The following EYS variants were observed in gnomAD, a reference collection of about 807,000 sequenced individuals.
The protein encoded by EYS is protein eyes shut homolog.
A neutral mutation model predicts 282.1 loss-of-function variants in EYS; 250 were observed. The ratio of observed to expected loss-of-function variants is 0.89; its 90% confidence interval spans 0.80 to 0.98. The LOEUF is 0.98. Among genes scored for constraint, EYS ranks in the 50% least tolerant of loss-of-function variants. The probability of loss-of-function intolerance (pLI) is 0.00; values close to 1 mark genes in which losing one functional copy is unlikely to be tolerated. For synonymous variants in EYS, 1,355 were observed against 1,282.9 expected (o/e 1.06, Z -1.20); for missense variants, 4,016 against 3,709.0 (o/e 1.08, Z -2.15).
chr6:65,565,244 CAAA>C (rs765596305), intron 2 of EYS, among the ~76,000 whole-genome samples: 1 of 1,618 alleles, frequency 6.2e-4, no homozygotes, highest in Non-Finnish European at 7.8e-4. Flanking sequence ...GACTCCGTCT[CAAA>C]AAAAAAAAAA....
At chr6:64,718,956 C>G (rs999251024) in intron 22 of EYS, among the ~76,000 whole-genome samples, 2 of 152,102 alleles carry the variant, frequency 1.3e-5, no homozygotes, top group Non-Finnish European at 2.9e-5. Flanking sequence ...TAAAGAGTAT[C>G]CTGGATGACC....
At chr6:63,920,545 G>C (rs1419792013) in intron 35 of EYS, among the ~76,000 whole-genome samples, 3 of 152,096 alleles carry the variant, frequency 2.0e-5, no homozygotes, top group African/African-American at 7.2e-5. Context: ...TCTCCTTCCT[G>C]ATGATCTCCA....
chr6:65,680,810 G>T (rs2149838225), intron 1 of EYS, among the ~76,000 whole-genome samples: 2 of 152,018 alleles, frequency 1.3e-5, no homozygotes, highest in South Asian at 2.1e-4. Context: ...CACCAGCTGG[G>T]CTAACTCAAT....
chr6:65,480,146 A>T (rs2127253982), intron 5 of EYS, among the ~76,000 whole-genome samples: 1 of 152,260 alleles, frequency 6.6e-6, no homozygotes, highest in East Asian at 1.9e-4. Flanking sequence ...GCCTGGTGAC[A>T]GAGCAAAACT....
chr6:63,777,331 C>G (rs943255944), intron 40 of EYS, among the ~76,000 whole-genome samples: 39 of 152,096 alleles, frequency 2.6e-4, no homozygotes, highest in African/African-American at 9.4e-4. Flanking sequence ...AGCCGGTGTT[C>G]CTGGTGAACA....
intron 36 of EYS, among the ~76,000 whole-genome samples, chr6:63,847,959 T>C (rs1056963224): frequency 1.3e-5 from 2 of 152,194 alleles, no homozygotes; most frequent in Admixed American, 6.5e-5. Context: ...ATTTGACTCA[T>C]TGGGAAAATC....
intron 22 of EYS, among the ~76,000 whole-genome samples, chr6:64,722,371 C>T (rs1771612705): frequency 1.3e-5 from 2 of 151,986 alleles, no homozygotes; most frequent in South Asian, 2.1e-4. Flanking sequence ...TAATTTTACA[C>T]AGCCCAAGGC....
chr6:63,895,875 ATTC>A (rs1386713270), intron 35 of EYS, among the ~76,000 whole-genome samples: 1 of 137,710 alleles, frequency 7.3e-6, no homozygotes, highest in Non-Finnish European at 1.5e-5. Context: ...TATGTGGACA[ATTC>A]TTATTTAATC....
intron 2 of EYS, among the ~76,000 whole-genome samples, chr6:65,622,657 A>G (rs1766552292): frequency 1.3e-5 from 2 of 152,142 alleles, no homozygotes; most frequent in South Asian, 4.1e-4. Context: ...CGTACTTCAA[A>G]GCAGACTATC....
Position 65,495,861 on chromosome 6 carries a change from CG to C in EYS, c.-201del, listed in dbSNP as rs1014105033. On this transcript the variant is annotated 5_prime_UTR_variant, in exon 3 of 43. Transcript: ENST00000503581. ...ACATAATTAAGCCAGCAACTTACTG[CG>C]GTCTTTTGTGTTTTCTCTTTACACC... is the stretch of plus-strand genomic sequence containing the variant. 5.8e-6 allele frequency: 1 copy of C among 172,498 alleles called. No individual in the cohort carries two copies. Among genetic ancestry groups the C allele is most frequent in the African/African-American group, 2.4e-5 (1 of 41,612 alleles). The allele number at this position is 172,498 out of a possible 1,614,324, so 10.7% of individuals were successfully genotyped here.
At chr6:65,352,309 A>G (rs191528231) in intron 9 of EYS, among the ~76,000 whole-genome samples, 17 of 152,024 alleles carry the variant, frequency 1.1e-4, no homozygotes, top group Non-Finnish European at 2.2e-4. Flanking sequence ...AGACACATCA[A>G]ACTGTTAATT....
At chr6:64,626,323 C>A in intron 22 of EYS, 78 bp from the exon 23 acceptor site, 1 of 1,467,986 alleles carries the variant, frequency 6.8e-7, no homozygotes, top group Middle Eastern at 1.8e-4. Flanking sequence ...GGGATTCCAT[C>A]ATTCAAACGT....
At chr6:65,059,411 T>C (rs971119844) in intron 12 of EYS, among the ~76,000 whole-genome samples, 4 of 152,048 alleles carry the variant, frequency 2.6e-5, no homozygotes, top group African/African-American at 4.8e-5. Flanking sequence ...AAAATTAGAT[T>C]TGTTTTTCAA....
intron 5 of EYS, among the ~76,000 whole-genome samples, chr6:65,409,272 TAG>T (rs1206471764): frequency 6.6e-6 from 1 of 152,110 alleles, no homozygotes; most frequent in Non-Finnish European, 1.5e-5. Flanking sequence ...ATTATGCAAA[TAG>T]AGTTAACAAA....
At chr6:64,184,468 A>AC (rs1764876563) in intron 31 of EYS, among the ~76,000 whole-genome samples, 2 of 152,272 alleles carry the variant, frequency 1.3e-5, no homozygotes, top group Admixed American at 1.3e-4. Flanking sequence ...TCACTTCTGT[A>AC]AGTAAGAAAA....
At chr6:63,998,276 T>C (rs143208194) in intron 34 of EYS, among the ~76,000 whole-genome samples, 25 of 152,322 alleles carry the variant, frequency 1.6e-4, no homozygotes, top group Non-Finnish European at 2.8e-4. Context: ...GAGATAATAT[T>C]TAAGGCCATA....
At chr6:63,882,360 A>G (rs559458032) in intron 35 of EYS, among the ~76,000 whole-genome samples, 11 of 152,330 alleles carry the variant, frequency 7.2e-5, no homozygotes, top group African/African-American at 2.4e-4. Flanking sequence ...AAACTGTCAC[A>G]TCGCATTTGG....
chr6:65,185,652 T>C (rs1349938750), intron 12 of EYS, among the ~76,000 whole-genome samples: 1 of 151,834 alleles, frequency 6.6e-6, no homozygotes, highest in Non-Finnish European at 1.5e-5. Flanking sequence ...ACATGAGTGC[T>C]AGGCTCTGTT....
chr6:65,255,922 C>A (rs1767448286), intron 12 of EYS, among the ~76,000 whole-genome samples: 1 of 152,038 alleles, frequency 6.6e-6, no homozygotes, highest in South Asian at 2.1e-4. Context: ...AGTACAGCCA[C>A]TGTGGATAAC....
Sources: gnomAD v4.1 joint callset for allele counts (sites outside exome capture counted in the v4.1 genomes callset) on GRCh38, gnomAD v4.1.1 for gene constraint, MANE v1.5 for transcripts, NCBI Gene and HGNC (gene_info 2026-07-23, HGNC 2026-07-21) for gene names.